Variants in DLC1 observed in about 807,000 individuals in gnomAD.
DLC1 encodes DLC1 Rho GTPase activating protein.
In DLC1, 54 loss-of-function variants were observed where a neutral mutation model predicts 140.3. The observed-to-expected ratio is 0.38, with a 90% CI of 0.31 to 0.48. The LOEUF is 0.48. Among genes scored for constraint, DLC1 ranks in the 20% least tolerant of loss-of-function variants. The pLI, the probability that DLC1 is intolerant of heterozygous loss-of-function variation, is 0.96. For missense variants in DLC1, 2,536 were observed against 1,907.0 expected (o/e 1.33, Z -6.14); for synonymous variants, 986 against 728.1 (o/e 1.35, Z -5.70).
chr8:13,560,165 T>C (rs907949837), intron 1 of DLC1, among the ~76,000 whole-genome samples: 3 of 152,232 alleles, frequency 2.0e-5, no homozygotes, highest in Non-Finnish European at 2.9e-5. Context: ...CTGAGTAATA[T>C]AGAACCTACA....
chr8:13,189,579 C>T (rs55658130), intron 5 of DLC1, among the ~76,000 whole-genome samples: 12,639 of 151,444 alleles, frequency 0.083, 705 homozygotes, highest in South Asian at 0.16. Context: ...GTGATTAGCA[C>T]GGAGAGAAAA....
intron 2 of DLC1, among the ~76,000 whole-genome samples, chr8:13,409,890 G>A (rs542052990): frequency 2.0e-5 from 3 of 152,154 alleles, no homozygotes; most frequent in East Asian, 1.9e-4. Flanking sequence ...GTAGGCCTAC[G>A]GGGAGGCTAA....
chr8:13,597,345 G>T (rs1805716565), intron 1 of DLC1, among the ~76,000 whole-genome samples: 2 of 151,992 alleles, frequency 1.3e-5, no homozygotes, highest in African/African-American at 4.8e-5. Context: ...GAACCGTATT[G>T]CTTCTCCCAT....
intron 5 of DLC1, among the ~76,000 whole-genome samples, chr8:13,234,474 G>T (rs1829191870): frequency 6.6e-6 from 1 of 152,026 alleles, no homozygotes; most frequent in Non-Finnish European, 1.5e-5. Context: ...GCCTTAATTT[G>T]TCTTCTGTTT....
At chr8:13,574,297 G>A (rs1804763496) in intron 1 of DLC1, among the ~76,000 whole-genome samples, 1 of 152,140 alleles carries the variant, frequency 6.6e-6, no homozygotes. Flanking sequence ...GCAATACACA[G>A]TTTCAAGTAG....
intron 5 of DLC1, among the ~76,000 whole-genome samples, chr8:13,152,962 A>G (rs1287461969): frequency 6.6e-6 from 1 of 152,178 alleles, no homozygotes; most frequent in Non-Finnish European, 1.5e-5. Context: ...TTTGACCATA[A>G]CAGACTTTAA....
chr8:13,365,859 C>T (rs1013549647), intron 4 of DLC1, among the ~76,000 whole-genome samples: 1 of 152,082 alleles, frequency 6.6e-6, no homozygotes, highest in African/African-American at 2.4e-5. Context: ...AAGGAGTTCC[C>T]CATATGAGAG....
chr8:13,460,636 C>T (rs1799614780), intron 2 of DLC1, among the ~76,000 whole-genome samples: 1 of 152,166 alleles, frequency 6.6e-6, no homozygotes. Flanking sequence ...CAAGGAGATA[C>T]TCTGGGGGGA....
chr8:13,271,345 C>CTCTCTT (rs1830923323), intron 5 of DLC1, among the ~76,000 whole-genome samples: 1 of 152,184 alleles, frequency 6.6e-6, no homozygotes, highest in Admixed American at 6.5e-5. Flanking sequence ...GAGAACAGTT[C>CTCTCTT]ACAGGAGTCA....
chr8:13,499,687 T>A lies in DLC1; in HGVS notation c.385A>T (p.Asn129Tyr). ...CCTGATGTTTTCTGCCCTTGGGTAT[T>A]TAAAACCTGTTTATCATCTGTAAGG... ...LCLTDDKQVL[N>Y]TQGQKTSGQH... Residue 129 changes from asparagine to tyrosine, a missense_variant, in exon 2 of 18, where the codon AAT becomes TAT. Asn to Tyr is a moderately radical substitution (Grantham distance 143, BLOSUM62 -2). Transcript: ENST00000276297. The A allele has an allele frequency of 6.2e-7, 1 of 1,614,176 alleles. No homozygotes were observed. Among genetic ancestry groups the A allele is most frequent in the South Asian group, 1.1e-5 (1 of 91,088 alleles).
chr8:13,515,211 A>G (rs990509107), upstream of DLC1, among the ~76,000 whole-genome samples: 1 of 152,202 alleles, frequency 6.6e-6, no homozygotes, highest in Non-Finnish European at 1.5e-5. Context: ...CTCTCATTTC[A>G]AAAGATCTTT....
rs532460199 is a variant in DLC1 at position 13,437,622 on chromosome 8, T to C, written c.1024-36003A>G. Among the ~76,000 whole-genome samples, 23 of 152,246 alleles carry C rather than the reference T, an allele frequency of 1.5e-4. 1 individual carries two copies. Among genetic ancestry groups the C allele is most frequent in the Middle Eastern group, 3.4e-3 (1 of 294 alleles). On this transcript the variant is annotated intron_variant, in intron 2 of 17. Coordinates refer to ENST00000276297, the MANE Select transcript of DLC1 (RefSeq NM_182643.3). ...GAAGGTCGGTCCACATGCTTACATA[T>C]GGAGAATAATATTGTTGCATTTCTG...
intron 2 of DLC1, among the ~76,000 whole-genome samples, chr8:13,430,708 C>A (rs1838824876): frequency 6.6e-6 from 1 of 152,070 alleles, no homozygotes; most frequent in Non-Finnish European, 1.5e-5. Context: ...AAAATCTAGA[C>A]AATGGGAAGG....
Position 13,484,469 on chromosome 8 carries a change from C to T in DLC1, c.1023+14580G>A, listed in dbSNP as rs570868456. On this transcript the variant is annotated intron_variant, in intron 2 of 17. Coordinates refer to ENST00000276297, the MANE Select transcript of DLC1 (RefSeq NM_182643.3). ...TAATTTCTGAAATAAGTCTTGTATG[C>T]CTGGACTGATTCTCTTTAGTTTTTG... 9.9e-5 allele frequency among the ~76,000 whole-genome samples: 15 copies of T among 152,142 alleles called. No individual in the cohort carries two copies. The South Asian group carries it at 2.9e-3, about 29-fold the overall frequency.
chr8:13,303,507 T>G (rs766838590), intron 5 of DLC1, among the ~76,000 whole-genome samples: 1 of 152,154 alleles, frequency 6.6e-6, no homozygotes, highest in African/African-American at 2.4e-5. Flanking sequence ...ATTAGTTCTT[T>G]GTTTTAAAAA....
intron 5 of DLC1, among the ~76,000 whole-genome samples, chr8:13,174,255 C>T (rs1264401207): frequency 1.3e-5 from 2 of 152,168 alleles, no homozygotes; most frequent in Admixed American, 6.5e-5. Context: ...TTTCTTTATC[C>T]AACCCACTGT....
At chr8:13,417,828 C>G (rs1475924648) in intron 2 of DLC1, among the ~76,000 whole-genome samples, 1 of 152,074 alleles carries the variant, frequency 6.6e-6, no homozygotes, top group Non-Finnish European at 1.5e-5. Flanking sequence ...GTCCCACCAA[C>G]AGTGTAAAAG....
At chr8:13,491,726 C>T (rs147117429) in intron 2 of DLC1, among the ~76,000 whole-genome samples, 56 of 152,268 alleles carry the variant, frequency 3.7e-4, no homozygotes, top group African/African-American at 1.3e-3. Context: ...TGTCCCTCTT[C>T]TTCCCTCATG....
chr8:13,543,192 T>G (rs1803544370), intron 1 of DLC1, among the ~76,000 whole-genome samples: 1 of 152,184 alleles, frequency 6.6e-6, no homozygotes, highest in Non-Finnish European at 1.5e-5. Context: ...AATATTCAGT[T>G]TAGTCAAATT....
Sources: allele counts gnomAD v4.1 joint callset (sites outside exome capture counted in the v4.1 genomes callset), GRCh38; gene constraint gnomAD v4.1.1; transcripts MANE v1.5; gene names NCBI Gene and HGNC (gene_info 2026-07-23, HGNC 2026-07-21).